The following KCNK13 variants were observed in gnomAD, a reference collection of about 807,000 sequenced individuals.
KCNK13 encodes the protein potassium channel subfamily K member 13.
In KCNK13, 12 loss-of-function variants were observed where a neutral mutation model predicts 23.4. The observed-to-expected ratio is 0.51, with a 90% CI of 0.33 to 0.83. KCNK13 has a LOEUF of 0.83. KCNK13 is among the 40% of genes least tolerant of loss of function. KCNK13 has a pLI of 0.02. For missense variants in KCNK13, 463 were observed against 556.3 expected (o/e 0.83, Z 1.69); for synonymous variants, 231 against 229.5 (o/e 1.01, Z -0.06).
intron 1 of KCNK13, among the ~76,000 whole-genome samples, chr14:90,069,501 G>A (rs777567320): frequency 4.6e-5 from 7 of 151,622 alleles, no homozygotes; most frequent in Non-Finnish European, 1.0e-4. Context: ...AATCCATGTG[G>A]TGCTGAACTG....
intron 1 of KCNK13, among the ~76,000 whole-genome samples, chr14:90,168,276 T>G (rs1596808365): frequency 6.6e-6 from 1 of 151,720 alleles, no homozygotes; most frequent in East Asian, 1.9e-4. Flanking sequence ...GAGGCTGAGG[T>G]GGAAGGATTG....
chr14:90,099,158 C>T (rs1331817288), intron 1 of KCNK13, among the ~76,000 whole-genome samples: 2 of 152,072 alleles, frequency 1.3e-5, no homozygotes, highest in East Asian at 3.8e-4. Context: ...TTCCCAAACA[C>T]TGTGTGTATG....
intron 1 of KCNK13, among the ~76,000 whole-genome samples, chr14:90,101,659 G>A (rs56162104): frequency 0.47 from 70,519 of 150,324 alleles, 16,981 homozygotes; most frequent in South Asian, 0.64. Context: ...GTGTGGTGGC[G>A]TGCTCCTGTA....
At chr14:90,158,872 A>G (rs984232602) in intron 1 of KCNK13, among the ~76,000 whole-genome samples, 1 of 152,244 alleles carries the variant, frequency 6.6e-6, no homozygotes, top group Non-Finnish European at 1.5e-5. Flanking sequence ...AGAACTTGAC[A>G]GTAGTGTTGA....
intron 1 of KCNK13, among the ~76,000 whole-genome samples, chr14:90,094,352 A>G (rs766594153): frequency 2.6e-5 from 4 of 152,216 alleles, no homozygotes; most frequent in African/African-American, 7.2e-5. Context: ...TGTTTGCTCA[A>G]TTGAATTTTC....
chr14:90,088,932 C>T (rs1317846360), intron 1 of KCNK13, among the ~76,000 whole-genome samples: 1 of 152,136 alleles, frequency 6.6e-6, no homozygotes, highest in East Asian at 1.9e-4. Context: ...CTTGACTTCT[C>T]CTCCTTGTCT....
At chr14:90,104,673 C>T (rs1889521210) in intron 1 of KCNK13, among the ~76,000 whole-genome samples, 1 of 150,686 alleles carries the variant, frequency 6.6e-6, no homozygotes, top group Non-Finnish European at 1.5e-5. Context: ...CAGATTAAGC[C>T]CAAGGGAGAC....
intron 1 of KCNK13, among the ~76,000 whole-genome samples, chr14:90,153,928 C>G (rs1180560691): frequency 6.6e-6 from 1 of 152,196 alleles, no homozygotes; most frequent in Admixed American, 6.5e-5. Context: ...TAGCCTCTGT[C>G]CTGGCGTCAC....
intron 1 of KCNK13, among the ~76,000 whole-genome samples, chr14:90,157,303 TG>T (rs1316291374): frequency 6.6e-6 from 1 of 152,224 alleles, no homozygotes; most frequent in Non-Finnish European, 1.5e-5. Context: ...AAAAATCTGC[TG>T]TACTCGTGCA....
At chr14:90,114,374 A>G (rs1889650467) in intron 1 of KCNK13, among the ~76,000 whole-genome samples, 1 of 152,158 alleles carries the variant, frequency 6.6e-6, no homozygotes, top group Non-Finnish European at 1.5e-5. Flanking sequence ...GAGGAGCTTT[A>G]ACAACTACTG....
intron 1 of KCNK13, among the ~76,000 whole-genome samples, chr14:90,180,831 G>C (rs1453484836): frequency 6.6e-6 from 1 of 152,070 alleles, no homozygotes; most frequent in Non-Finnish European, 1.5e-5. Context: ...TGGTGCTTCT[G>C]TGTTGGCCTT....
intron 1 of KCNK13, among the ~76,000 whole-genome samples, chr14:90,106,103 T>C (rs1173339837): frequency 6.6e-6 from 1 of 152,196 alleles, no homozygotes; most frequent in African/African-American, 2.4e-5. Context: ...AATGAGGTGA[T>C]TCAATCAGAA....
chr14:90,150,003 T>TTACA (rs148015928), intron 1 of KCNK13, among the ~76,000 whole-genome samples: 9,865 of 152,080 alleles, frequency 0.065, 408 homozygotes, highest in South Asian at 0.21. Context: ...GAACCAGCAA[T>TTACA]TACAGTACAG....
chr14:90,062,432 G>T lies in KCNK13; in HGVS notation c.227G>T (p.Arg76Leu). The change falls in exon 1 of 2, where the codon CGC becomes CTC. Residue 76 changes from arginine (R) to leucine (L), a missense_variant. By Grantham distance (102) the Arg-to-Leu change is moderately radical. Transcript: ENST00000282146. The surrounding 1 kb of genome is among the most constrained non-coding windows in gnomAD (Gnocchi z 4.5). ...CGCGACGAGCTGCGCGGCTTCCTCC[G>T]CCACTACGAGGAGGCCACTCGGGCC... ...LSRDELRGFL[R>L]HYEEATRAGI... 2 of 1,547,192 alleles carry T rather than the reference G, an allele frequency of 1.3e-6. No homozygotes were observed. The highest frequency in any genetic ancestry group is 1.4e-5 in the African/African-American group (1 of 72,716).
intron 1 of KCNK13, among the ~76,000 whole-genome samples, chr14:90,139,021 G>A (rs894079922): frequency 8.5e-5 from 13 of 152,126 alleles, no homozygotes; most frequent in African/African-American, 2.7e-4. Flanking sequence ...GTTTTGTTCC[G>A]TTAATCAGGC....
At chr14:90,170,563 G>A (rs1246305188) in intron 1 of KCNK13, among the ~76,000 whole-genome samples, 2 of 152,146 alleles carry the variant, frequency 1.3e-5, no homozygotes, top group Non-Finnish European at 2.9e-5. Flanking sequence ...GCGTGCCAGG[G>A]AGACAGGTCT....
At chr14:90,097,505 C>G (rs1307906343) in intron 1 of KCNK13, among the ~76,000 whole-genome samples, 2 of 152,138 alleles carry the variant, frequency 1.3e-5, no homozygotes, top group Non-Finnish European at 2.9e-5. Flanking sequence ...ACACTTCCCT[C>G]TAGGCCCCAC....
At chr14:90,096,599 A>C (rs1889414045) in intron 1 of KCNK13, among the ~76,000 whole-genome samples, 3 of 152,170 alleles carry the variant, frequency 2.0e-5, no homozygotes, top group African/African-American at 7.2e-5. Context: ...TTGCTTGCAA[A>C]TATTAGGAAC....
At position 90,087,166 on chromosome 14, in the gene KCNK13, T is replaced by TTA. The variant is rs1353467304; in HGVS notation, c.334+24627_334+24628insTA. 2.5e-3 allele frequency among the ~76,000 whole-genome samples: 359 copies of TTA among 142,838 alleles called. 2 individuals carry two copies. The highest frequency in any genetic ancestry group is 4.0e-3 in the Non-Finnish European group (261 of 65,946). 93.7% of individuals were successfully genotyped at this position (142,838 alleles called of 152,430 possible). Reference sequence around the variant, plus strand: ...TATATATATATATATTTTTTTTTTTTATTGAGATGGGGCCTCACTATGTTG... The same window carrying TTA: ...TATATATATATATATTTTTTTTTTTTTAATTGAGATGGGGCCTCACTATGTTG... On this transcript the variant is annotated intron_variant, in intron 1 of 1. Transcript: ENST00000282146.
Sources: gnomAD v4.1 joint callset for allele counts (sites outside exome capture counted in the v4.1 genomes callset) on GRCh38, gnomAD v4.1.1 for gene constraint, Gnocchi (gnomAD v3.1) non-coding constraint, MANE v1.5 for transcripts, NCBI Gene and HGNC (gene_info 2026-07-23, HGNC 2026-07-21) for gene names.